Variants in UVRAG observed in about 807,000 individuals in gnomAD.
UVRAG encodes UV radiation resistance-associated gene protein.
A neutral mutation model predicts 78.0 loss-of-function variants in UVRAG; 19 were observed. That is an observed-to-expected ratio of 0.24 (90% CI 0.17 to 0.36). The LOEUF (loss-of-function observed/expected upper bound fraction) is 0.36. UVRAG is among the 10% of genes least tolerant of loss of function. UVRAG has a pLI of 1.00. For missense variants in UVRAG, 740 were observed against 853.8 expected, an observed-to-expected ratio of 0.87 and a Z score of 1.66; for synonymous variants, 323 against 324.6, an observed-to-expected ratio of 1.00 and a Z score of 0.05.
intron 13 of UVRAG, among the ~76,000 whole-genome samples, chr11:76,080,392 C>T (rs993705182): frequency 3.9e-5 from 6 of 152,108 alleles, no homozygotes; most frequent in Non-Finnish European, 8.8e-5. Flanking sequence ...GAAAAGACTG[C>T]CTGGTTGTAT....
intron 6 of UVRAG, chr11:75,930,927 T>TTTTCTTTCTTTCTTTCTTTCTTTCTTTC (rs61014857): frequency 2.6e-5 from 3 of 117,404 alleles, no homozygotes; most frequent in South Asian, 2.9e-4. Flanking sequence ...AGTGTCGGGA[T>TTTTCTTTCTTTCTTTCTTTCTTTCTTTC]TTTCTTTCTT....
At chr11:75,917,129 A>C (rs1018816098) in intron 6 of UVRAG, among the ~76,000 whole-genome samples, 2 of 152,244 alleles carry the variant, frequency 1.3e-5, no homozygotes, top group Admixed American at 1.3e-4. Context: ...AAGTTAAGCT[A>C]TAAACTAAAT....
intron 12 of UVRAG, among the ~76,000 whole-genome samples, chr11:76,047,170 A>G (rs1441460839): frequency 1.3e-5 from 2 of 152,330 alleles, no homozygotes; most frequent in East Asian, 3.9e-4. Context: ...AAATACTGAT[A>G]TCTCATAGAA....
chr11:75,953,811 A>T (rs1236705167), intron 6 of UVRAG, among the ~76,000 whole-genome samples: 2 of 152,160 alleles, frequency 1.3e-5, no homozygotes, highest in Non-Finnish European at 2.9e-5. Context: ...TATCACCAGA[A>T]TACCTATCGG....
chr11:75,857,242 A>G (rs1565348170), intron 2 of UVRAG, among the ~76,000 whole-genome samples: 1 of 152,158 alleles, frequency 6.6e-6, no homozygotes, highest in Non-Finnish European at 1.5e-5. Context: ...TCATTCACAG[A>G]AAAGGCTAAA....
chr11:76,095,676 C>T (rs7103473), intron 13 of UVRAG, among the ~76,000 whole-genome samples: 20,969 of 151,220 alleles, frequency 0.14, 3,752 homozygotes, highest in African/African-American at 0.42. Context: ...GAGACCAGCT[C>T]GGGCAACATA....
chr11:75,898,331 T>A (rs1947397727), intron 5 of UVRAG, among the ~76,000 whole-genome samples: 1 of 152,234 alleles, frequency 6.6e-6, no homozygotes, highest in South Asian at 2.1e-4. Flanking sequence ...ATCATTTCTG[T>A]ACAATGAATT....
chr11:75,861,811 C>G, intron 3 of UVRAG, 31 bp downstream of exon 3: 1 of 1,572,540 alleles, frequency 6.4e-7, no homozygotes, highest in Non-Finnish European at 8.7e-7. Context: ...GTACATATGA[C>G]TAAGTATATA....
At chr11:75,974,351 CTTTTTTTTTTTTTTT>C (rs1188190094) in intron 7 of UVRAG, among the ~76,000 whole-genome samples, 2 of 83,700 alleles carry the variant, frequency 2.4e-5, no homozygotes, top group African/African-American at 1.0e-4. Context: ...TAAATGTCTT[CTTTTTTTTTTTTTTT>C]TTTTTTTTTT....
intron 4 of UVRAG, among the ~76,000 whole-genome samples, chr11:75,880,659 A>G (rs1368104932): frequency 6.6e-6 from 1 of 152,086 alleles, no homozygotes; most frequent in Non-Finnish European, 1.5e-5. Context: ...AGTTCAAGCG[A>G]TTCTCCTGCC....
intron 5 of UVRAG, among the ~76,000 whole-genome samples, chr11:75,895,125 C>A (rs1273267515): frequency 1.3e-5 from 2 of 152,180 alleles, no homozygotes; most frequent in African/African-American, 2.4e-5. Context: ...CCTTAGGAAG[C>A]AATGACAGAG....
chr11:75,858,129 T>C (rs1038703807), intron 2 of UVRAG, among the ~76,000 whole-genome samples: 2 of 149,590 alleles, frequency 1.3e-5, no homozygotes, highest in African/African-American at 2.6e-5. Flanking sequence ...TCTTTTTAAT[T>C]TAATTTTTTA....
chr11:75,976,890 T>C (rs1340670239), intron 7 of UVRAG, among the ~76,000 whole-genome samples: 1 of 152,210 alleles, frequency 6.6e-6, no homozygotes, highest in East Asian at 1.9e-4. Flanking sequence ...CTCATCTTAG[T>C]TATTTCTTGC....
chr11:76,002,108 C>T (rs545455229), intron 8 of UVRAG, among the ~76,000 whole-genome samples: 2 of 152,140 alleles, frequency 1.3e-5, no homozygotes, highest in Non-Finnish European at 2.9e-5. Flanking sequence ...AAAACCTGAA[C>T]AACCCCTGTA....
intron 13 of UVRAG, among the ~76,000 whole-genome samples, chr11:76,075,423 C>G (rs552581910): frequency 1.1e-4 from 17 of 152,086 alleles, no homozygotes; most frequent in African/African-American, 4.1e-4. Context: ...CCAGCCTGGC[C>G]AACATGGTGA....
chr11:75,817,075 G>A (rs1423172183), intron 1 of UVRAG, among the ~76,000 whole-genome samples: 1 of 152,164 alleles, frequency 6.6e-6, no homozygotes, highest in Non-Finnish European at 1.5e-5. Flanking sequence ...GGATTGTGTT[G>A]TGAGATACAG....
chr11:75,920,008 G>GTTTTTTGTTTT (rs1947941022), intron 6 of UVRAG, among the ~76,000 whole-genome samples: 5 of 55,494 alleles, frequency 9.0e-5, no homozygotes, highest in African/African-American at 2.9e-4. Flanking sequence ...AATAATTTTG[G>GTTTTTTGTTTT]TTTTTTTTTT....
At chr11:75,955,037 C>T (rs527539352) in intron 6 of UVRAG, among the ~76,000 whole-genome samples, 1 of 152,144 alleles carries the variant, frequency 6.6e-6, no homozygotes, top group African/African-American at 2.4e-5. Context: ...GGAGAGTTGC[C>T]AGTAGTTTAG....
At chr11:76,021,149 T>C (rs1021683782) in intron 12 of UVRAG, among the ~76,000 whole-genome samples, 17 of 152,286 alleles carry the variant, frequency 1.1e-4, no homozygotes, top group Non-Finnish European at 1.6e-4. Context: ...CTTCAATGCC[T>C]TTTTCAGCTA....
Sources: gnomAD v4.1 joint callset for allele counts (sites outside exome capture counted in the v4.1 genomes callset) on GRCh38, gnomAD v4.1.1 for gene constraint, MANE v1.5 for transcripts, NCBI Gene and HGNC (gene_info 2026-07-23, HGNC 2026-07-21) for gene names.